Variants in REV3L observed in about 807,000 individuals in gnomAD.
The protein encoded by REV3L is REV3 like, DNA directed polymerase zeta catalytic subunit, also known as DNA polymerase zeta catalytic subunit.
In REV3L, 69 loss-of-function variants were observed where a neutral mutation model predicts 299.4. The ratio of observed to expected loss-of-function variants is 0.23; its 90% CI spans 0.19 to 0.28. The LOEUF (loss-of-function observed/expected upper bound fraction) is 0.28, where lower values mean the gene tolerates loss of function less well. REV3L is among the 10% of genes least tolerant of loss of function. The pLI, the probability that REV3L is intolerant of heterozygous loss-of-function variation, is 1.00. For missense variants in REV3L, 3,128 were observed against 3,693.8 expected (o/e 0.85, Z 3.97); for synonymous variants, 1,238 against 1,271.4 (o/e 0.97, Z 0.56).
Position 111,422,599 on chromosome 6 carries a change from T to TATATATATATATAC in REV3L, c.140-6141_140-6128dup, listed in dbSNP as rs1785542032. Among the ~76,000 whole-genome samples, 23 of 15,040 alleles carry TATATATATATATAC rather than the reference T, an allele frequency of 1.5e-3. 3 individuals are homozygous for TATATATATATATAC. The highest frequency in any genetic ancestry group is 6.8e-3 in the South Asian group (3 of 444). The allele number at this position is 15,040 out of a possible 152,430, so 9.9% of individuals were successfully genotyped here. A position where few individuals can be genotyped will look rare whatever the true frequency, so the allele number is the denominator to read the frequency against. ...ATACACATATATATATATATACACATATATATATATATACACATATATATA... is the reference window on the plus strand; with the variant it reads ...ATACACATATATATATATATACACATATATATATATATACATATATATATATACACATATATATA... On this transcript the variant is annotated intron_variant, in intron 1 of 31. Transcript: ENST00000368802.
chr6:111,418,838 C>T (rs573864874), intron 1 of REV3L, among the ~76,000 whole-genome samples: 4 of 151,998 alleles, frequency 2.6e-5, no homozygotes, highest in Non-Finnish European at 5.9e-5. Context: ...ACACTATGTC[C>T]CCAGAACTCA....
chr6:111,332,292 C>T (rs1158094453), intron 23 of REV3L, among the ~76,000 whole-genome samples: 2 of 152,072 alleles, frequency 1.3e-5, no homozygotes, highest in African/African-American at 2.4e-5. Context: ...AGGATGGTCT[C>T]GATCTCCTAA....
intron 9 of REV3L, among the ~76,000 whole-genome samples, chr6:111,381,845 TA>T (rs1301544413): frequency 2.6e-5 from 4 of 152,010 alleles, no homozygotes; most frequent in African/African-American, 9.7e-5. Flanking sequence ...TGAACTCTCC[TA>T]GAAAAAAAAA....
At chr6:111,350,523 C>T (rs541903137) in intron 19 of REV3L, among the ~76,000 whole-genome samples, 1 of 151,232 alleles carries the variant, frequency 6.6e-6, no homozygotes, top group Non-Finnish European at 1.5e-5. Flanking sequence ...GCAAAGGACA[C>T]ACAAGCTACA....
intron 1 of REV3L, among the ~76,000 whole-genome samples, chr6:111,454,966 G>GT (rs1257332935): frequency 2.6e-5 from 4 of 152,050 alleles, no homozygotes; most frequent in Admixed American, 2.6e-4. Flanking sequence ...GCGCCCGGCT[G>GT]TTTTTTCTAA....
chr6:111,467,583 T>C (rs980913808), intron 1 of REV3L, among the ~76,000 whole-genome samples: 3 of 152,136 alleles, frequency 2.0e-5, no homozygotes, highest in Non-Finnish European at 4.4e-5. Flanking sequence ...AGGGAAAGAG[T>C]TGCATCTGTA....
intron 4 of REV3L, among the ~76,000 whole-genome samples, chr6:111,404,060 T>C (rs897605526): frequency 1.3e-5 from 2 of 152,192 alleles, no homozygotes; most frequent in South Asian, 2.1e-4. Flanking sequence ...GCAATGTAGA[T>C]GAAAACAACC....
At chr6:111,431,525 C>CCAGA in intron 1 of REV3L, 1 of 849,536 alleles carries the variant, frequency 1.2e-6, no homozygotes, top group South Asian at 1.4e-5. Flanking sequence ...TGTTTCAACA[C>CCAGA]CAGACCCCCT....
intron 1 of REV3L, among the ~76,000 whole-genome samples, chr6:111,428,107 T>A: frequency 6.6e-6 from 1 of 150,554 alleles, no homozygotes; most frequent in Non-Finnish European, 1.5e-5. Context: ...ACAAGCCAGA[T>A]AGAGAAGACT....
chr6:111,385,442 G>A (rs1781252044), intron 9 of REV3L, among the ~76,000 whole-genome samples: 1 of 151,762 alleles, frequency 6.6e-6, no homozygotes, highest in Non-Finnish European at 1.5e-5. Context: ...ATGCATTAAA[G>A]ACCTAAATGT....
intron 26 of REV3L, among the ~76,000 whole-genome samples, chr6:111,319,762 T>C (rs1218005303): frequency 1.3e-5 from 2 of 152,158 alleles, no homozygotes; most frequent in African/African-American, 4.8e-5. Context: ...TTATTAATGG[T>C]TATGCCATCA....
intron 26 of REV3L, among the ~76,000 whole-genome samples, chr6:111,319,925 G>A (rs776415074): frequency 1.3e-5 from 2 of 151,526 alleles, no homozygotes; most frequent in African/African-American, 2.4e-5. Context: ...CAATTCCTGC[G>A]TTCAAGTGAT....
intron 21 of REV3L, among the ~76,000 whole-genome samples, chr6:111,336,983 A>G (rs1044966957): frequency 3.3e-5 from 5 of 152,068 alleles, no homozygotes; most frequent in African/African-American, 1.2e-4. Flanking sequence ...TGGGAAAATT[A>G]GAGAATTAAA....
At chr6:111,416,904 A>C (rs1394439872) in intron 1 of REV3L, among the ~76,000 whole-genome samples, 2 of 152,150 alleles carry the variant, frequency 1.3e-5, no homozygotes, top group Non-Finnish European at 2.9e-5. Flanking sequence ...CCTTCCCTAA[A>C]AGAGAGGCAG....
In REV3L at chr6:111,381,316, G is replaced by A; in HGVS notation, c.1216+9C>T. ...AATACTGAATATTTATGGTAGCACT[G>A]TTACTTACTGAAAACAGGTGACTCA... On this transcript the variant is annotated intron_variant, in intron 10 of 31. Transcript: ENST00000368802. The A allele has an allele frequency of 6.2e-7, 1 of 1,612,850 alleles. No individual in the cohort carries two copies. The highest frequency in any genetic ancestry group is 8.5e-7 in the Non-Finnish European group (1 of 1,179,646).
chr6:111,354,259 A>G (rs1282330716), intron 18 of REV3L: 1 of 152,174 alleles, frequency 6.6e-6, no homozygotes, highest in African/African-American at 2.4e-5. Context: ...TTTATGCAAC[A>G]TCTTGTTATT....
chr6:111,440,238 T>A (rs902793291), intron 1 of REV3L, among the ~76,000 whole-genome samples: 8 of 152,020 alleles, frequency 5.3e-5, no homozygotes, highest in Non-Finnish European at 1.2e-4. Context: ...CCCGGCTAAT[T>A]TTGTATTTTT....
At chr6:111,338,312 C>CTTTTTTTT (rs144497761) in intron 21 of REV3L, among the ~76,000 whole-genome samples, 14 of 47,932 alleles carry the variant, frequency 2.9e-4, no homozygotes, top group East Asian at 1.2e-3. Context: ...GTCTAAAGTC[C>CTTTTTTTT]TTTTTTTTTT....
intron 1 of REV3L, among the ~76,000 whole-genome samples, chr6:111,438,728 A>T (rs1289516331): frequency 1.3e-5 from 2 of 152,166 alleles, no homozygotes; most frequent in Non-Finnish European, 2.9e-5. Context: ...ACTATGTTTA[A>T]TTATTTAGAG....
Sources: allele counts gnomAD v4.1 joint callset (sites outside exome capture counted in the v4.1 genomes callset), GRCh38; gene constraint gnomAD v4.1.1; transcripts MANE v1.5; gene names NCBI Gene and HGNC (gene_info 2026-07-23, HGNC 2026-07-21).